The following ANKRD44 variants were observed in gnomAD, a reference collection of about 807,000 sequenced individuals.
ANKRD44 encodes the protein serine/threonine-protein phosphatase 6 regulatory ankyrin repeat subunit B.
A neutral mutation model predicts 116.0 loss-of-function variants in ANKRD44; 35 were observed. That is an observed-to-expected ratio of 0.30 (90% CI 0.23 to 0.40). The LOEUF is 0.40. Ranked by LOEUF, ANKRD44 falls within the 10% of genes least tolerant of loss-of-function variation. The probability of loss-of-function intolerance (pLI) is 1.00; values close to 1 mark genes in which losing one functional copy is unlikely to be tolerated. For missense variants in ANKRD44, 1,014 were observed against 1,242.6 expected (o/e 0.82, Z 2.77); for synonymous variants, 435 against 461.8 (o/e 0.94, Z 0.74).
At chr2:197,036,194 C>T (rs2076803252) in intron 16 of ANKRD44, among the ~76,000 whole-genome samples, 3 of 152,080 alleles carry the variant, frequency 2.0e-5, no homozygotes, top group Admixed American at 1.3e-4. Flanking sequence ...CTGTCTCCCC[C>T]GACTCCAATT....
chr2:197,057,383 G>A (rs1008584678), intron 16 of ANKRD44, among the ~76,000 whole-genome samples: 1 of 151,990 alleles, frequency 6.6e-6, no homozygotes, highest in African/African-American at 2.4e-5. Context: ...GCCAATATTT[G>A]GTTTAGAATT....
At position 196,989,628 on chromosome 2, in the gene ANKRD44, C is replaced by T. The variant is rs140812163; in HGVS notation, c.2945G>A (p.Arg982His). Residue 982 changes from arginine to histidine, a missense_variant, in exon 28 of 28, where the codon CGT (arginine) becomes CAT (histidine). Transcript: ENST00000282272. ...TTGTACAGCGGTTCCAGGTGTGGAA[C>T]GGGGTCCATTTGACCTAGAAGCTTT... ...DENASRSNGP[R>H]STPGTAVQKE... 9.0e-6 allele frequency: 14 copies of T among 1,550,116 alleles called. No homozygotes were observed. The highest frequency in any genetic ancestry group is 4.1e-5 in the African/African-American group (3 of 73,096).
intron 25 of ANKRD44, among the ~76,000 whole-genome samples, chr2:196,997,423 A>T (rs1194521529): frequency 6.8e-6 from 1 of 146,694 alleles, no homozygotes; most frequent in African/African-American, 2.5e-5. Flanking sequence ...AAGATAAATT[A>T]TATATATATA....
intron 16 of ANKRD44, among the ~76,000 whole-genome samples, chr2:197,068,638 A>G (rs1344389221): frequency 1.3e-5 from 2 of 152,164 alleles, no homozygotes; most frequent in Non-Finnish European, 2.9e-5. Context: ...CCCCATCAAA[A>G]AGTGGGCAAA....
intron 4 of ANKRD44, chr2:197,135,874 C>T (rs1012231147): frequency 6.6e-6 from 1 of 152,600 alleles, no homozygotes; most frequent in African/African-American, 2.4e-5. Context: ...AATGAGCTCT[C>T]AAATCATGGA....
intron 1 of ANKRD44, among the ~76,000 whole-genome samples, chr2:197,247,541 G>A (rs184983231): frequency 7.6e-4 from 115 of 152,194 alleles, no homozygotes; most frequent in African/African-American, 2.6e-3. Context: ...GCAAGAAGTG[G>A]GATAAAATCA....
Position 197,114,521 on chromosome 2 carries a change from G to A in ANKRD44, c.907-3677C>T, listed in dbSNP as rs1023306336. ...GATTAATCTTTGAACTAAAAGCAGT[G>A]TTTATATTTTCTTGACCACCAGTCT... On this transcript the variant is annotated intron_variant, in intron 8 of 27. Coordinates refer to ENST00000282272, the MANE Select transcript of ANKRD44 (RefSeq NM_001195144.2). 3.3e-5 allele frequency among the ~76,000 whole-genome samples: 5 copies of A among 152,188 alleles called. No homozygotes were observed. In the South Asian group the frequency reaches 1.0e-3, roughly 32 times the overall value.
chr2:197,003,613 G>A (rs145467567), intron 21 of ANKRD44, among the ~76,000 whole-genome samples: 77 of 152,264 alleles, frequency 5.1e-4, no homozygotes, highest in African/African-American at 1.8e-3. Flanking sequence ...AAGGGTGAAC[G>A]GCTTAGGAGG....
At chr2:197,134,503 A>C (rs2079171202) in intron 4 of ANKRD44, 1 of 152,248 alleles carries the variant, frequency 6.6e-6, no homozygotes, top group Non-Finnish European at 1.5e-5. Context: ...AACACACTAA[A>C]GATACTTACA....
downstream of ANKRD44, among the ~76,000 whole-genome samples, chr2:196,983,782 C>G (rs754053277): frequency 6.6e-6 from 1 of 152,192 alleles, no homozygotes; most frequent in African/African-American, 2.4e-5. Context: ...CCCTGTGAGG[C>G]TGAAGTACTG....
chr2:197,190,983 T>C (rs1030226554), intron 1 of ANKRD44, among the ~76,000 whole-genome samples: 6 of 152,056 alleles, frequency 3.9e-5, no homozygotes, highest in East Asian at 1.9e-4. Flanking sequence ...AGGGTCAAAA[T>C]TGAGAAAAAC....
At chr2:196,994,086 C>T (rs991036284) in intron 26 of ANKRD44, among the ~76,000 whole-genome samples, 15 of 152,184 alleles carry the variant, frequency 9.9e-5, no homozygotes, top group African/African-American at 3.6e-4. Context: ...TTCAAACTTC[C>T]TTGTTACTAC....
At chr2:197,053,028 A>G (rs2077138967) in intron 16 of ANKRD44, among the ~76,000 whole-genome samples, 1 of 152,008 alleles carries the variant, frequency 6.6e-6, no homozygotes, top group African/African-American at 2.4e-5. Context: ...AAAATTAGCC[A>G]GGCATAGTGG....
intron 16 of ANKRD44, among the ~76,000 whole-genome samples, chr2:197,042,638 T>C (rs1158547797): frequency 6.6e-6 from 1 of 151,982 alleles, no homozygotes. Context: ...CTGTCACAAA[T>C]CCAGAAAGCC....
intron 2 of ANKRD44, among the ~76,000 whole-genome samples, chr2:197,171,268 G>A (rs776335203): frequency 3.3e-5 from 5 of 152,100 alleles, no homozygotes; most frequent in Non-Finnish European, 5.9e-5. Context: ...GGAAGCTGGC[G>A]ATCAACAAGA....
At position 197,233,007 on chromosome 2, in the gene ANKRD44, C is replaced by A. The variant is rs11891823; in HGVS notation, c.28-45901G>T. Among the ~76,000 whole-genome samples, 541 of 152,298 alleles carry A rather than the reference C, an allele frequency of 3.6e-3. 2 individuals carry two copies. Among genetic ancestry groups the A allele is most frequent in the African/African-American group, 0.012 (515 of 41,558 alleles). ...CATTACACCTTTCAATGATTTGAGG[C>A]TTTATTGGAATAAAACTGGTAACTG... On this transcript the variant is annotated intron_variant, in intron 1 of 27. Transcript: ENST00000282272.
At chr2:197,158,241 T>G (rs2079870889) in intron 2 of ANKRD44, among the ~76,000 whole-genome samples, 1 of 152,210 alleles carries the variant, frequency 6.6e-6, no homozygotes, top group African/African-American at 2.4e-5. Context: ...AATTGTTCTA[T>G]GCATGACCCC....
chr2:197,061,849 T>C (rs533106645), intron 16 of ANKRD44, among the ~76,000 whole-genome samples: 21 of 151,906 alleles, frequency 1.4e-4, no homozygotes, highest in African/African-American at 4.6e-4. Context: ...GGTACAATCT[T>C]GGCTCACTGC....
chr2:197,121,197 CT>C, intron 8 of ANKRD44, 134 bp downstream of exon 8: 1 of 856,930 alleles, frequency 1.2e-6, no homozygotes, highest in East Asian at 2.7e-5. Context: ...GACAACTTTT[CT>C]TATAGCCTCC....
Sources: gnomAD v4.1 joint callset for allele counts (sites outside exome capture counted in the v4.1 genomes callset) on GRCh38, gnomAD v4.1.1 for gene constraint, MANE v1.5 for transcripts, NCBI Gene and HGNC (gene_info 2026-07-23, HGNC 2026-07-21) for gene names.